TMPRSS15: variants seen among roughly 807,000 people sequenced by gnomAD.
TMPRSS15 encodes the protein transmembrane serine protease 15.
Under a neutral mutation model 125.3 loss-of-function variants are expected in TMPRSS15, and 128 were observed. The observed-to-expected ratio is 1.02, with a 90% CI of 0.89 to 1.18. The LOEUF is 1.18. TMPRSS15 is among the 50% of genes most tolerant of loss of function. The pLI, the probability that TMPRSS15 is intolerant of heterozygous loss-of-function variation, is 0.00. For missense variants in TMPRSS15, 1,283 were observed against 1,212.7 expected, an observed-to-expected ratio of 1.06 and a Z score of -0.86; for synonymous variants, 446 against 423.2, an observed-to-expected ratio of 1.05 and a Z score of -0.66.
chr21:18,339,243 A>G (rs1448064997), intron 13 of TMPRSS15, among the ~76,000 whole-genome samples: 1 of 152,204 alleles, frequency 6.6e-6, no homozygotes, highest in Non-Finnish European at 1.5e-5. Flanking sequence ...TTAATACACA[A>G]GATAGTAAAA....
At chr21:18,428,529 C>T (rs1244027797) in intron 1 of TMPRSS15, among the ~76,000 whole-genome samples, 1 of 152,126 alleles carries the variant, frequency 6.6e-6, no homozygotes, top group Non-Finnish European at 1.5e-5. Flanking sequence ...TCCCAGGGCC[C>T]CCTTGCTATC....
At chr21:18,299,669 C>A (rs942890369) in intron 18 of TMPRSS15, among the ~76,000 whole-genome samples, 1 of 152,142 alleles carries the variant, frequency 6.6e-6, no homozygotes, top group African/African-American at 2.4e-5. Flanking sequence ...CAGCTGAATG[C>A]CTGCCCTGTG....
intron 24 of TMPRSS15, among the ~76,000 whole-genome samples, chr21:18,272,929 T>A (rs1305775963): frequency 6.6e-6 from 1 of 152,152 alleles, no homozygotes; most frequent in Non-Finnish European, 1.5e-5. Context: ...GAACATTACT[T>A]CTCATACTTT....
At chr21:18,481,616 A>C (rs1261509218) in intron 1 of TMPRSS15, among the ~76,000 whole-genome samples, 1 of 151,746 alleles carries the variant, frequency 6.6e-6, no homozygotes, top group Non-Finnish European at 1.5e-5. Context: ...TTTTATCTTG[A>C]GATAAACAAA....
intron 1 of TMPRSS15, among the ~76,000 whole-genome samples, chr21:18,444,981 A>G (rs79491590): frequency 0.012 from 1,791 of 152,254 alleles, 39 homozygotes; most frequent in African/African-American, 0.041. Context: ...GGTTTTTGCC[A>G]TTAAGAGTGG....
At chr21:18,302,484 C>T (rs1231203051) in intron 18 of TMPRSS15, among the ~76,000 whole-genome samples, 1 of 152,194 alleles carries the variant, frequency 6.6e-6, no homozygotes, top group Non-Finnish European at 1.5e-5. Flanking sequence ...TATAACAATA[C>T]ACCTAGCACA....
intron 1 of TMPRSS15, among the ~76,000 whole-genome samples, chr21:18,432,435 G>A (rs2076217968): frequency 1.3e-5 from 2 of 152,080 alleles, no homozygotes; most frequent in Admixed American, 1.3e-4. Context: ...ACCTCAGATT[G>A]CCACCTTGTT....
At chr21:18,276,604 T>C (rs1035598585) in intron 23 of TMPRSS15, among the ~76,000 whole-genome samples, 2 of 152,152 alleles carry the variant, frequency 1.3e-5, no homozygotes, top group African/African-American at 4.8e-5. Flanking sequence ...TAAAACTGTT[T>C]GGTAAAGGAA....
At chr21:18,443,889 T>G (rs1381639766) in intron 1 of TMPRSS15, among the ~76,000 whole-genome samples, 6 of 152,196 alleles carry the variant, frequency 3.9e-5, no homozygotes, top group Non-Finnish European at 8.8e-5. Flanking sequence ...CTTCCTGTTG[T>G]GGCGGGAAGC....
intron 2 of TMPRSS15, 112 bp downstream of exon 2, chr21:18,398,087 T>A (rs1306931235): frequency 4.4e-6 from 6 of 1,351,220 alleles, no homozygotes; most frequent in Non-Finnish European, 5.3e-6. Flanking sequence ...TACATTTGAG[T>A]ATCTTGGGCA....
At chr21:18,288,796 A>AAAG (rs1184243145) in intron 21 of TMPRSS15, among the ~76,000 whole-genome samples, 1 of 151,210 alleles carries the variant, frequency 6.6e-6, no homozygotes, top group African/African-American at 2.4e-5. Context: ...TCGGCCTCCC[A>AAAG]AAGTGCTAGG....
At chr21:18,387,196 GT>G (rs2075951265) in intron 3 of TMPRSS15, among the ~76,000 whole-genome samples, 2 of 152,060 alleles carry the variant, frequency 1.3e-5, no homozygotes, top group African/African-American at 2.4e-5. Context: ...TAGTTGTTTA[GT>G]AATGAAATGA....
intron 19 of TMPRSS15, 55 bp from the exon 20 acceptor site, chr21:18,294,707 C>A: frequency 6.8e-7 from 1 of 1,461,232 alleles, no homozygotes; most frequent in South Asian, 1.1e-5. Flanking sequence ...ATTTTCAAGT[C>A]AAACATCATA....
At chr21:18,362,433 G>A (rs1264764684) in intron 7 of TMPRSS15, among the ~76,000 whole-genome samples, 1 of 152,120 alleles carries the variant, frequency 6.6e-6, no homozygotes, top group Non-Finnish European at 1.5e-5. Flanking sequence ...TGCTTTCAGA[G>A]GACCTCTGCT....
At chr21:18,274,415 TTG>T (rs2074596247) in intron 24 of TMPRSS15, among the ~76,000 whole-genome samples, 1 of 152,226 alleles carries the variant, frequency 6.6e-6, no homozygotes, top group Non-Finnish European at 1.5e-5. Context: ...TTTTTATTTA[TTG>T]TGTGTACTTG....
chr21:18,296,914 C>A (rs2074914270), intron 19 of TMPRSS15, among the ~76,000 whole-genome samples: 2 of 152,150 alleles, frequency 1.3e-5, no homozygotes, highest in Admixed American at 1.3e-4. Context: ...GTTAAGCTCA[C>A]AGAAATGTTA....
intron 1 of TMPRSS15, among the ~76,000 whole-genome samples, chr21:18,438,072 A>G (rs1313085602): frequency 6.6e-6 from 1 of 151,566 alleles, no homozygotes; most frequent in Non-Finnish European, 1.5e-5. Flanking sequence ...ACTTGGAACC[A>G]ACCCAAATGT....
intron 13 of TMPRSS15, among the ~76,000 whole-genome samples, chr21:18,336,836 C>T (rs181368217): frequency 6.6e-6 from 1 of 152,118 alleles, no homozygotes; most frequent in East Asian, 1.9e-4. Context: ...GTGCCTGGCT[C>T]AGGCTATTAG....
In TMPRSS15 at chr21:18,347,482, C is replaced by A. The variant is rs113043082; in HGVS notation, c.1172-3422G>T. ...AAACTCCTGATCTCAGGTGATCCGC[C>A]TGCCTTGGATGTGTTGGGATTACAG... On this transcript the variant is annotated intron_variant, in intron 10 of 24. Coordinates refer to ENST00000284885, the MANE Select transcript of TMPRSS15 (RefSeq NM_002772.3). Among the ~76,000 whole-genome samples, 8 of 152,234 alleles carry A rather than the reference C, an allele frequency of 5.3e-5. 2 individuals carry two copies. Among genetic ancestry groups the A allele is most frequent in the African/African-American group, 1.9e-4 (8 of 41,542 alleles).
Sources: gnomAD v4.1 joint callset for allele counts (sites outside exome capture counted in the v4.1 genomes callset) on GRCh38, gnomAD v4.1.1 for gene constraint, MANE v1.5 for transcripts, NCBI Gene and HGNC (gene_info 2026-07-23, HGNC 2026-07-21) for gene names.